The following LRFN2 variants were observed in gnomAD, a reference collection of about 807,000 sequenced individuals.
LRFN2 encodes the protein leucine-rich repeat and fibronectin type-III domain-containing protein 2.
A neutral mutation model predicts 37.3 loss-of-function variants in LRFN2; 18 were observed. The ratio of observed to expected loss-of-function variants is 0.48; its 90% CI spans 0.33 to 0.72. The LOEUF is 0.72. LRFN2 is among the 30% of genes least tolerant of loss of function. The probability of loss-of-function intolerance (pLI) is 0.02; values close to 1 mark genes in which losing one functional copy is unlikely to be tolerated. For missense variants in LRFN2, 1,006 were observed against 1,060.7 expected, an observed-to-expected ratio of 0.95 and a Z score of 0.72; for synonymous variants, 556 against 466.6, an observed-to-expected ratio of 1.19 and a Z score of -2.47.
intron 1 of LRFN2, among the ~76,000 whole-genome samples, chr6:40,579,280 C>A (rs1007319721): frequency 6.6e-6 from 1 of 152,170 alleles, no homozygotes; most frequent in Non-Finnish European, 1.5e-5. Context: ...CCTCAGCTCC[C>A]CTTCTTCCCA....
At chr6:40,473,055 C>T (rs565057253) in intron 1 of LRFN2, among the ~76,000 whole-genome samples, 2 of 152,278 alleles carry the variant, frequency 1.3e-5, no homozygotes, top group African/African-American at 4.8e-5. Flanking sequence ...CCCTGCCTCT[C>T]GGGATCCAGC....
Position 40,583,203 on chromosome 6 carries a change from T to C in LRFN2, c.-19+3738A>G, listed in dbSNP as rs846529. Among the ~76,000 whole-genome samples, 1,053 of 142,732 alleles carry C rather than the reference T, an allele frequency of 7.4e-3. 21 individuals carry two copies. Among genetic ancestry groups the C allele is most frequent in the African/African-American group, 0.026 (986 of 38,644 alleles). 93.6% of individuals were successfully genotyped at this position (142,732 alleles called of 152,430 possible). On this transcript the variant is annotated intron_variant, in intron 1 of 2. Transcript: ENST00000338305. ...TATGTATATAGTGTATATATAGACA[T>C]ATATATACACTATATACATATATAG...
chr6:40,458,684 A>T (rs1241416853), intron 1 of LRFN2, among the ~76,000 whole-genome samples: 1 of 152,216 alleles, frequency 6.6e-6, no homozygotes, highest in Admixed American at 6.5e-5. Context: ...GTGTTCTCCC[A>T]AGGAAAGTGT....
intron 1 of LRFN2, among the ~76,000 whole-genome samples, chr6:40,557,596 G>T (rs1035608224): frequency 1.4e-4 from 22 of 152,080 alleles, no homozygotes; most frequent in African/African-American, 5.3e-4. Flanking sequence ...ATGAGAGTGG[G>T]GTGTGCCCAG....
chr6:40,522,328 G>A (rs1467512533), intron 1 of LRFN2, among the ~76,000 whole-genome samples: 2 of 152,182 alleles, frequency 1.3e-5, no homozygotes, highest in Non-Finnish European at 1.5e-5. Flanking sequence ...GTATTTGAGT[G>A]GGACCCCATG....
chr6:40,494,613 C>G (rs925110178), intron 1 of LRFN2, among the ~76,000 whole-genome samples: 3 of 152,074 alleles, frequency 2.0e-5, no homozygotes, highest in Non-Finnish European at 4.4e-5. Flanking sequence ...TGTTCAACAC[C>G]CAGGCCCCTT....
chr6:40,579,993 C>A (rs767049134), intron 1 of LRFN2, among the ~76,000 whole-genome samples: 6 of 152,128 alleles, frequency 3.9e-5, no homozygotes, highest in Admixed American at 2.6e-4. Context: ...GTGAAGGTAG[C>A]ACTTCAGAGC....
At chr6:40,414,773 A>G (rs77339485) in intron 2 of LRFN2, among the ~76,000 whole-genome samples, 16,753 of 152,242 alleles carry the variant, frequency 0.11, 1,013 homozygotes, top group Non-Finnish European at 0.13. Flanking sequence ...CACCCAGAGG[A>G]TGACTTCAGT....
intron 1 of LRFN2, among the ~76,000 whole-genome samples, chr6:40,524,632 CTG>C (rs1270249561): frequency 6.6e-6 from 1 of 152,202 alleles, no homozygotes; most frequent in Admixed American, 6.5e-5. Flanking sequence ...AGCCTTTAAA[CTG>C]TGTCTTTTCA....
At chr6:40,436,726 G>C (rs1289577845) in intron 1 of LRFN2, among the ~76,000 whole-genome samples, 1 of 152,134 alleles carries the variant, frequency 6.6e-6, no homozygotes, top group Non-Finnish European at 1.5e-5. Flanking sequence ...CTTGCTCTGT[G>C]CTCAAAGGTG....
chr6:40,391,708 C>A lies in LRFN2; in HGVS notation c.*235G>T, dbSNP rs1762504749. ...AGGCGGAGTCTCGCCTTTCCAAACA[C>A]TCAGGGCTCAGTCCGGCATTTGAGC... On this transcript the variant is annotated 3_prime_UTR_variant, in exon 3 of 3. Transcript: ENST00000338305. 4.8e-6 allele frequency: 2 copies of A among 416,936 alleles called. No individual in the cohort carries two copies. Among genetic ancestry groups the A allele is most frequent in the South Asian group, 1.7e-4 (2 of 11,954 alleles). The allele number at this position is 416,936 out of a possible 1,614,324, so 25.8% of individuals were successfully genotyped here. A position where few individuals can be genotyped will look rare whatever the true frequency, so the allele number is the denominator to read the frequency against.
At chr6:40,393,146 G>C (rs1208761477) in intron 2 of LRFN2, among the ~76,000 whole-genome samples, 2 of 150,932 alleles carry the variant, frequency 1.3e-5, no homozygotes, top group Non-Finnish European at 1.5e-5. Context: ...GGAGGGAGGG[G>C]CAGGGGCAGG....
intron 1 of LRFN2, among the ~76,000 whole-genome samples, chr6:40,499,995 T>C (rs1452978647): frequency 6.6e-6 from 1 of 152,214 alleles, no homozygotes; most frequent in Non-Finnish European, 1.5e-5. Flanking sequence ...TAATAACCCT[T>C]AGAAGATGGC....
intron 1 of LRFN2, among the ~76,000 whole-genome samples, chr6:40,460,830 T>C (rs556377717): frequency 2.8e-4 from 43 of 152,264 alleles, no homozygotes; most frequent in African/African-American, 1.0e-3. Flanking sequence ...CTTTATGCAA[T>C]GGTCATTAAA....
chr6:40,521,623 C>G (rs1381835134), intron 1 of LRFN2, among the ~76,000 whole-genome samples: 4 of 152,218 alleles, frequency 2.6e-5, no homozygotes, highest in Non-Finnish European at 5.9e-5. Flanking sequence ...GCTCTGGGCT[C>G]TGCCCTTGAG....
intron 1 of LRFN2, among the ~76,000 whole-genome samples, chr6:40,470,397 G>T (rs139597972): frequency 0.013 from 2,056 of 152,306 alleles, 57 homozygotes; most frequent in African/African-American, 0.046. Flanking sequence ...AGATCACGAG[G>T]TCAGGAGATC....
At chr6:40,585,455 C>G (rs1767483122) in intron 1 of LRFN2, among the ~76,000 whole-genome samples, 2 of 152,088 alleles carry the variant, frequency 1.3e-5, no homozygotes, top group Admixed American at 6.5e-5. Context: ...CTGAATCCTC[C>G]CTACAGGACT....
chr6:40,467,623 G>A (rs1165524582), intron 1 of LRFN2, among the ~76,000 whole-genome samples: 1 of 152,140 alleles, frequency 6.6e-6, no homozygotes, highest in African/African-American at 2.4e-5. Context: ...AAGTTCCAGA[G>A]AGCCTGGGCA....
chr6:40,472,277 C>A (rs145029913), intron 1 of LRFN2, among the ~76,000 whole-genome samples: 7 of 152,172 alleles, frequency 4.6e-5, no homozygotes, highest in Non-Finnish European at 1.0e-4. Context: ...GACAATTGGT[C>A]GATTCCATCA....
Sources: allele counts gnomAD v4.1 joint callset (sites outside exome capture counted in the v4.1 genomes callset), GRCh38; gene constraint gnomAD v4.1.1; transcripts MANE v1.5; gene names NCBI Gene and HGNC (gene_info 2026-07-23, HGNC 2026-07-21).